PDE9A: variants seen among roughly 807,000 people sequenced by gnomAD.
PDE9A encodes the protein phosphodiesterase 9A, also known as high affinity cGMP-specific 3',5'-cyclic phosphodiesterase 9A.
A neutral mutation model predicts 87.4 loss-of-function variants in PDE9A; 60 were observed. The ratio of observed to expected loss-of-function variants is 0.69; its 90% confidence interval spans 0.56 to 0.85. PDE9A has a LOEUF of 0.85. Ranked by LOEUF, PDE9A falls within the 40% of genes least tolerant of loss-of-function variation. PDE9A has a pLI of 0.00. For missense variants in PDE9A, 665 were observed against 779.0 expected (o/e 0.85, Z 1.74); for synonymous variants, 272 against 279.4 (o/e 0.97, Z 0.27).
intron 1 of PDE9A, among the ~76,000 whole-genome samples, chr21:42,681,787 T>A (rs1372266030): frequency 6.6e-6 from 1 of 152,256 alleles, no homozygotes; most frequent in Non-Finnish European, 1.5e-5. Context: ...AAACTTTCGT[T>A]TTTCCCTTAA....
intron 3 of PDE9A, among the ~76,000 whole-genome samples, chr21:42,698,587 C>T (rs2060270142): frequency 6.6e-6 from 1 of 152,168 alleles, no homozygotes; most frequent in South Asian, 2.1e-4. Context: ...GGGGATACAG[C>T]CGCCATCAGC....
At chr21:42,674,599 AG>A (rs1203642642) in intron 1 of PDE9A, among the ~76,000 whole-genome samples, 1 of 152,072 alleles carries the variant, frequency 6.6e-6, no homozygotes, top group African/African-American at 2.4e-5. Context: ...CCTTCCCAGG[AG>A]GGGCCCCGCC....
In PDE9A at chr21:42,660,522, G is replaced by A. The variant is rs920675737; in HGVS notation, c.69+6639G>A. 1.3e-5 allele frequency among the ~76,000 whole-genome samples: 2 copies of A among 151,684 alleles called. No individual in the cohort carries two copies. The highest frequency in any genetic ancestry group is 2.4e-5 in the African/African-American group (1 of 41,220). On this transcript the variant is annotated intron_variant, in intron 1 of 19. Coordinates refer to ENST00000291539, the MANE Select transcript of PDE9A (RefSeq NM_002606.3). This position sits in a 1 kb window ranked among gnomAD's most constrained non-coding sequence, Gnocchi z 4.7. ...GATGAAAGACCACGCTCTGGGTACCGTGTACACCGCTCGGGTGACAGTGCA... is the reference window on the plus strand; with the variant it reads ...GATGAAAGACCACGCTCTGGGTACCATGTACACCGCTCGGGTGACAGTGCA...
intron 18 of PDE9A, 91 bp downstream of exon 18, chr21:42,770,889 G>A: frequency 4.2e-6 from 4 of 952,878 alleles, no homozygotes; most frequent in Non-Finnish European, 6.7e-6. Flanking sequence ...GACGTGCCAA[G>A]CAGGGCACCA....
intron 18 of PDE9A, 65 bp downstream of exon 18, chr21:42,770,863 C>T (rs574412579): frequency 3.0e-5 from 38 of 1,267,400 alleles, no homozygotes; most frequent in South Asian, 3.6e-5. Context: ...TCCGCACTCC[C>T]GACTCCAGAA....
chr21:42,664,510 G>T (rs1262612337), intron 1 of PDE9A, among the ~76,000 whole-genome samples: 1 of 152,240 alleles, frequency 6.6e-6, no homozygotes, highest in Non-Finnish European at 1.5e-5. Context: ...GGGCATAAAG[G>T]TGACCCTGGC....
Position 42,736,292 on chromosome 21 carries a change from C to T in PDE9A, c.568+2866C>T, listed in dbSNP as rs993659913. 2.6e-5 allele frequency among the ~76,000 whole-genome samples: 4 copies of T among 152,108 alleles called. No individual in the cohort carries two copies. In the East Asian group the frequency reaches 7.7e-4, roughly 29 times the overall value. On this transcript the variant is annotated intron_variant, in intron 7 of 19. Coordinates refer to ENST00000291539, the MANE Select transcript of PDE9A (RefSeq NM_002606.3). ...CCCTGTGTGTCTTTGAATAACTGAC[C>T]CTGGAAAATAACCATCAAGCCAGAA...
intron 6 of PDE9A, among the ~76,000 whole-genome samples, chr21:42,732,775 G>A (rs531525852): frequency 2.0e-5 from 3 of 152,134 alleles, no homozygotes; most frequent in South Asian, 2.1e-4. Flanking sequence ...TTAGCCGGGC[G>A]TGGTGGCACA....
intron 15 of PDE9A, among the ~76,000 whole-genome samples, chr21:42,765,921 A>T (rs2056354394): frequency 6.6e-6 from 1 of 151,982 alleles, no homozygotes; most frequent in Non-Finnish European, 1.5e-5. Context: ...ATAGCCCAGC[A>T]CCCCTCCATA....
intron 1 of PDE9A, among the ~76,000 whole-genome samples, chr21:42,671,118 T>C (rs1243550396): frequency 6.6e-6 from 1 of 152,110 alleles, no homozygotes; most frequent in Admixed American, 6.5e-5. Context: ...GCAGATGGAC[T>C]AGCACGATAC....
chr21:42,655,489 G>C lies in PDE9A; in HGVS notation c.69+1606G>C, dbSNP rs140219718. Among the ~76,000 whole-genome samples the C allele has an allele frequency of 6.6e-3, 1,003 of 152,242 alleles. 7 individuals are homozygous for C. The highest frequency in any genetic ancestry group is 0.011 in the South Asian group (53 of 4,814). ...TTTTCACAGTGGACACGCTGAGGTT[G>C]GGGTGATCTCCAGAAAAGCAGCCTG... On this transcript the variant is annotated intron_variant, in intron 1 of 19. Coordinates refer to ENST00000291539, the MANE Select transcript of PDE9A (RefSeq NM_002606.3).
chr21:42,774,349 C>G (rs2057329153), intron 19 of PDE9A, among the ~76,000 whole-genome samples: 1 of 152,118 alleles, frequency 6.6e-6, no homozygotes, highest in African/African-American at 2.4e-5. Flanking sequence ...AGTGTCCCAG[C>G]CTCTCTGAAC....
chr21:42,657,666 A>G (rs2057182284), intron 1 of PDE9A, among the ~76,000 whole-genome samples: 2 of 152,140 alleles, frequency 1.3e-5, no homozygotes, highest in South Asian at 2.1e-4. Flanking sequence ...GGGTTTGCCA[A>G]TCTTCCGAAT....
rs759553279 is a variant in PDE9A, at chr21:42,696,238, G to T, written c.219-2730G>T. ...GGACACCTTCCTCTGAGTCTCTTGC[G>T]TGGGAGAAGTTGCTGGACACGCCTC... On this transcript the variant is annotated intron_variant, in intron 3 of 19. Transcript: ENST00000291539. This position sits in a 1 kb window ranked among gnomAD's most constrained non-coding sequence, Gnocchi z 5.1. Among the ~76,000 whole-genome samples, 3 of 152,130 alleles carry T rather than the reference G, an allele frequency of 2.0e-5. No individual in the cohort carries two copies. Among genetic ancestry groups the T allele is most frequent in the Non-Finnish European group, 4.4e-5 (3 of 68,008 alleles).
At chr21:42,673,364 C>T (rs1290704222) in intron 1 of PDE9A, among the ~76,000 whole-genome samples, 4 of 152,134 alleles carry the variant, frequency 2.6e-5, no homozygotes, top group African/African-American at 9.7e-5. Flanking sequence ...CAGGCCTGCC[C>T]AGGTGGAACA....
intron 8 of PDE9A, among the ~76,000 whole-genome samples, chr21:42,748,178 G>A (rs766085005): frequency 6.6e-6 from 1 of 152,252 alleles, no homozygotes; most frequent in Non-Finnish European, 1.5e-5. Flanking sequence ...CACAAAACAG[G>A]TTAAAAGCAG....
At chr21:42,670,052 CACTT>C (rs749211442) in intron 1 of PDE9A, among the ~76,000 whole-genome samples, 10 of 152,208 alleles carry the variant, frequency 6.6e-5, no homozygotes, top group African/African-American at 2.2e-4. Context: ...CACACACACA[CACTT>C]ACACATTCAC....
At position 42,694,649 on chromosome 21, in the gene PDE9A, G is replaced by A. The variant is rs2060047288; in HGVS notation, c.219-4319G>A. Among the ~76,000 whole-genome samples the A allele has an allele frequency of 6.6e-6, 1 of 152,134 alleles. No homozygotes were observed. The highest frequency in any genetic ancestry group is 6.5e-5 in the Admixed American group (1 of 15,272). On this transcript the variant is annotated intron_variant, in intron 3 of 19. Transcript: ENST00000291539. This position sits in a 1 kb window ranked among gnomAD's most constrained non-coding sequence, Gnocchi z 5.3. Reference sequence around the variant, plus strand: ...TAATGCCATCCTTTAGATTTTGGTGGCTGGCTCCTGTTGTGGACCGCATCT... The same window carrying A: ...TAATGCCATCCTTTAGATTTTGGTGACTGGCTCCTGTTGTGGACCGCATCT...
rs534256085 is a variant in PDE9A at position 42,747,754 on chromosome 21, TG to T, written c.654-3358del. Among the ~76,000 whole-genome samples the T allele has an allele frequency of 1.3e-3, 205 of 152,272 alleles. 1 individual carries two copies. Among genetic ancestry groups the T allele is most frequent in the African/African-American group, 4.2e-3 (174 of 41,570 alleles). On this transcript the variant is annotated intron_variant, in intron 8 of 19. Transcript: ENST00000291539. ...CAGGCAGAGAGCAGAGCATGGAATATGGGGTTCACCCAGAGCTGGGGAGTCT... is the reference window on the plus strand; with the variant it reads ...CAGGCAGAGAGCAGAGCATGGAATATGGGTTCACCCAGAGCTGGGGAGTCT...
Sources: allele counts gnomAD v4.1 joint callset (sites outside exome capture counted in the v4.1 genomes callset), GRCh38; gene constraint gnomAD v4.1.1; non-coding constraint Gnocchi (gnomAD v3.1); transcripts MANE v1.5; gene names NCBI Gene and HGNC (gene_info 2026-07-23, HGNC 2026-07-21).